The following IQCJ variants were observed in gnomAD, a reference collection of about 807,000 sequenced individuals.
The protein encoded by IQCJ is IQ motif containing J.
Under a neutral mutation model 11.0 loss-of-function variants are expected in IQCJ, and 9 were observed. That is an observed-to-expected ratio of 0.82 (90% confidence interval 0.49 to 1.43). The LOEUF (loss-of-function observed/expected upper bound fraction) is 1.43. Among genes scored for constraint, IQCJ ranks in the 40% most tolerant of loss-of-function variants. IQCJ has a pLI of 0.00. For synonymous variants in IQCJ, 55 were observed against 51.3 expected (o/e 1.07, Z -0.31); for missense variants, 146 against 133.2 (o/e 1.10, Z -0.47).
intron 3 of IQCJ, among the ~76,000 whole-genome samples, chr3:159,259,062 C>G (rs144997609): frequency 4.5e-4 from 68 of 152,326 alleles, no homozygotes; most frequent in African/African-American, 1.6e-3. Context: ...CCCTAGCTCT[C>G]TGGGAACCCT....
intron 1 of IQCJ, among the ~76,000 whole-genome samples, chr3:159,200,281 T>A (rs1159343292): frequency 6.6e-6 from 1 of 151,782 alleles, no homozygotes; most frequent in Non-Finnish European, 1.5e-5. Flanking sequence ...TTAAGAGGCC[T>A]GTTTCCCTGT....
At chr3:159,145,161 A>G (rs1720851169) in intron 1 of IQCJ, among the ~76,000 whole-genome samples, 1 of 152,206 alleles carries the variant, frequency 6.6e-6, no homozygotes, top group African/African-American at 2.4e-5. Context: ...AGGCTGTAAC[A>G]TCCAGAAAAT....
chr3:159,109,638 T>G (rs1718499042), intron 1 of IQCJ, among the ~76,000 whole-genome samples: 1 of 151,946 alleles, frequency 6.6e-6, no homozygotes, highest in Non-Finnish European at 1.5e-5. Flanking sequence ...AGAGACAGCC[T>G]TGGGATTTTC....
At chr3:159,206,764 A>C (rs1373856337) in intron 1 of IQCJ, among the ~76,000 whole-genome samples, 2 of 152,066 alleles carry the variant, frequency 1.3e-5, no homozygotes, top group African/African-American at 4.8e-5. Flanking sequence ...CTTTTCCTGT[A>C]AGTCAGTCAG....
chr3:159,176,889 C>T (rs1722827486), intron 1 of IQCJ, among the ~76,000 whole-genome samples: 1 of 152,212 alleles, frequency 6.6e-6, no homozygotes, highest in Admixed American at 6.5e-5. Context: ...TTACAGCATC[C>T]ACAATACTGT....
At chr3:159,173,714 T>G (rs960453503) in intron 1 of IQCJ, among the ~76,000 whole-genome samples, 1 of 152,200 alleles carries the variant, frequency 6.6e-6, no homozygotes, top group Non-Finnish European at 1.5e-5. Context: ...TGTCATTCCT[T>G]ATGGATAATC....
intron 1 of IQCJ, among the ~76,000 whole-genome samples, chr3:159,076,927 G>C (rs1715960975): frequency 6.6e-6 from 1 of 152,076 alleles, no homozygotes; most frequent in Admixed American, 6.6e-5. Flanking sequence ...TTAATAGGGT[G>C]GTTGGGAATT....
At chr3:159,172,952 T>A (rs1436552446) in intron 1 of IQCJ, among the ~76,000 whole-genome samples, 1 of 152,190 alleles carries the variant, frequency 6.6e-6, no homozygotes, top group Non-Finnish European at 1.5e-5. Context: ...CCTAAGTCAC[T>A]GCGTAAGACA....
chr3:159,156,465 G>A (rs770510928), intron 1 of IQCJ, among the ~76,000 whole-genome samples: 1 of 152,166 alleles, frequency 6.6e-6, no homozygotes, highest in Non-Finnish European at 1.5e-5. Context: ...TGTATGGCAC[G>A]TTCCAAGAGC....
rs114276189 is a variant in IQCJ, at chr3:159,250,955, C to T, written c.75-1772C>T. Among the ~76,000 whole-genome samples the T allele has an allele frequency of 7.1e-3, 1,076 of 152,326 alleles. 11 individuals carry two copies. The highest frequency in any genetic ancestry group is 0.025 in the African/African-American group (1,025 of 41,576). ...ACAGGGACCATGTCTAGTGTTTTCACCATTTTATCCTCCATGCTTTGCATC... is the reference window on the plus strand; with the variant it reads ...ACAGGGACCATGTCTAGTGTTTTCATCATTTTATCCTCCATGCTTTGCATC... On this transcript the variant is annotated intron_variant, in intron 2 of 3. Coordinates refer to ENST00000397832, the MANE Select transcript of IQCJ (RefSeq NM_001042706.3).
intron 1 of IQCJ, among the ~76,000 whole-genome samples, chr3:159,095,198 A>G (rs1717643572): frequency 6.6e-6 from 1 of 151,920 alleles, no homozygotes; most frequent in Non-Finnish European, 1.5e-5. Flanking sequence ...CCATTAAGCT[A>G]TATTTCAAAA....
chr3:159,229,250 G>T (rs1384809909), intron 1 of IQCJ, among the ~76,000 whole-genome samples: 2 of 152,072 alleles, frequency 1.3e-5, no homozygotes, highest in African/African-American at 4.8e-5. Context: ...GGCCAATAAG[G>T]AGCAACTCCC....
chr3:159,077,110 G>A (rs1331510285), intron 1 of IQCJ, among the ~76,000 whole-genome samples: 1 of 152,042 alleles, frequency 6.6e-6, no homozygotes, highest in African/African-American at 2.4e-5. Context: ...CCAGTTTCTT[G>A]TTATCTAAGA....
At chr3:159,220,396 G>A (rs1725468626) in intron 1 of IQCJ, among the ~76,000 whole-genome samples, 1 of 152,134 alleles carries the variant, frequency 6.6e-6, no homozygotes, top group Admixed American at 6.5e-5. Flanking sequence ...CTAATAAGAA[G>A]AGGAGGAAGC....
intron 2 of IQCJ, among the ~76,000 whole-genome samples, chr3:159,252,426 C>T (rs1577116536): frequency 7.1e-6 from 1 of 140,948 alleles, no homozygotes; most frequent in Non-Finnish European, 1.7e-5. Context: ...TGTTTTTTCT[C>T]CCCCTGAAAT....
chr3:159,118,416 AC>A (rs1356720859), intron 1 of IQCJ, among the ~76,000 whole-genome samples: 1 of 152,158 alleles, frequency 6.6e-6, no homozygotes, highest in African/African-American at 2.4e-5. Context: ...AACGACCATG[AC>A]CCCAATCAAT....
At chr3:159,206,159 T>G (rs973841382) in intron 1 of IQCJ, among the ~76,000 whole-genome samples, 1 of 152,232 alleles carries the variant, frequency 6.6e-6, no homozygotes, top group Non-Finnish European at 1.5e-5. Flanking sequence ...TGTTTTCAGT[T>G]TCAGTTTCTC....
At chr3:159,096,031 T>G (rs1282968404) in intron 1 of IQCJ, among the ~76,000 whole-genome samples, 5 of 70,930 alleles carry the variant, frequency 7.0e-5, no homozygotes, top group Non-Finnish European at 1.1e-4. Flanking sequence ...CACCTGTTGT[T>G]TCCTGACTTT....
intron 1 of IQCJ, among the ~76,000 whole-genome samples, chr3:159,081,134 A>G (rs574576048): frequency 6.6e-6 from 1 of 152,240 alleles, no homozygotes; most frequent in Non-Finnish European, 1.5e-5. Context: ...CTGCTCTGCC[A>G]TTCTCAGTGC....
Sources: gnomAD v4.1 joint callset for allele counts (sites outside exome capture counted in the v4.1 genomes callset) on GRCh38, gnomAD v4.1.1 for gene constraint, MANE v1.5 for transcripts, NCBI Gene and HGNC (gene_info 2026-07-23, HGNC 2026-07-21) for gene names.